PRKCA: variants seen among roughly 807,000 people sequenced by gnomAD.
PRKCA encodes protein kinase C alpha.
In PRKCA, 27 loss-of-function variants were observed where a neutral mutation model predicts 87.0. The observed-to-expected ratio is 0.31, with a 90% CI of 0.23 to 0.43. The LOEUF (loss-of-function observed/expected upper bound fraction) is 0.43. Among genes scored for constraint, PRKCA ranks in the 20% least tolerant of loss-of-function variants. The probability of loss-of-function intolerance (pLI) is 1.00; values close to 1 mark genes in which losing one functional copy is unlikely to be tolerated. For synonymous variants in PRKCA, 329 were observed against 311.1 expected (o/e 1.06, Z -0.61); for missense variants, 518 against 852.3 (o/e 0.61, Z 4.88).
intron 8 of PRKCA, among the ~76,000 whole-genome samples, chr17:66,708,949 AT>A (rs757648643): frequency 1.6e-4 from 24 of 152,238 alleles, no homozygotes; most frequent in Non-Finnish European, 3.1e-4. Flanking sequence ...TGGATTTGTG[AT>A]TACTGACTTT....
At chr17:66,784,765 C>T (rs1272666428) in intron 14 of PRKCA, among the ~76,000 whole-genome samples, 1 of 152,186 alleles carries the variant, frequency 6.6e-6, no homozygotes, top group East Asian at 1.9e-4. Flanking sequence ...TGCCTGCCTG[C>T]CCTGCCCTCT....
chr17:66,310,796 G>C (rs1905051547), intron 2 of PRKCA, among the ~76,000 whole-genome samples: 1 of 152,196 alleles, frequency 6.6e-6, no homozygotes, highest in African/African-American at 2.4e-5. Flanking sequence ...CAGCCTTTCA[G>C]AAAAGGGATG....
chr17:66,657,741 T>C (rs1375915111), intron 5 of PRKCA, among the ~76,000 whole-genome samples: 1 of 152,142 alleles, frequency 6.6e-6, no homozygotes. Flanking sequence ...TCTTTACTAA[T>C]ACCCAACCTC....
At chr17:66,368,378 ATATATATATTTTT>A (rs1908873416) in intron 2 of PRKCA, among the ~76,000 whole-genome samples, 10 of 28,208 alleles carry the variant, frequency 3.5e-4, no homozygotes, top group African/African-American at 7.7e-4. Context: ...ATATATATAT[ATATATATATTTTT>A]TTTTTTTTTT....
intron 2 of PRKCA, among the ~76,000 whole-genome samples, chr17:66,458,969 G>T (rs1338119278): frequency 6.6e-6 from 1 of 152,146 alleles, no homozygotes; most frequent in Non-Finnish European, 1.5e-5. Flanking sequence ...AGATGGGAAC[G>T]TAGAGGCTGA....
At chr17:66,686,283 C>T (rs1972625211) in intron 5 of PRKCA, among the ~76,000 whole-genome samples, 1 of 152,038 alleles carries the variant, frequency 6.6e-6, no homozygotes, top group Non-Finnish European at 1.5e-5. Flanking sequence ...TTTTTGATTC[C>T]CATATCAGGT....
At position 66,305,791 on chromosome 17, in the gene PRKCA, A is replaced by G. The variant is rs1429839108; in HGVS notation, c.174-305A>G. Among the ~76,000 whole-genome samples the G allele has an allele frequency of 2.6e-5, 4 of 152,316 alleles. No individual in the cohort carries two copies. The South Asian group carries it at 8.3e-4, about 32-fold the overall frequency. On this transcript the variant is annotated intron_variant, in intron 1 of 16. Transcript: ENST00000413366. ...CTTGAATATTGTGTTGTAGCCAACAAGTTTGAATATACAGTCATGTTCTTG... is the reference window on the plus strand; with the variant it reads ...CTTGAATATTGTGTTGTAGCCAACAGGTTTGAATATACAGTCATGTTCTTG...
At chr17:66,380,410 G>C (rs1277514809) in intron 2 of PRKCA, among the ~76,000 whole-genome samples, 1 of 152,028 alleles carries the variant, frequency 6.6e-6, no homozygotes, top group Non-Finnish European at 1.5e-5. Context: ...GATACCTCAT[G>C]GGGTTCTTGT....
intron 2 of PRKCA, among the ~76,000 whole-genome samples, chr17:66,375,635 G>T (rs184000209): frequency 6.6e-6 from 1 of 152,320 alleles, no homozygotes; most frequent in East Asian, 1.9e-4. Flanking sequence ...TCTGGGGGCA[G>T]TTCTTGAGGG....
intron 2 of PRKCA, 36 bp from the exon 3 acceptor site, chr17:66,496,165 G>A: frequency 2.7e-6 from 4 of 1,503,292 alleles, no homozygotes; most frequent in East Asian, 2.3e-5. Flanking sequence ...GTTAAATCAT[G>A]TCTATTCTAA....
At chr17:66,649,302 C>T (rs1028282178) in intron 5 of PRKCA, among the ~76,000 whole-genome samples, 3 of 152,330 alleles carry the variant, frequency 2.0e-5, no homozygotes, top group African/African-American at 7.2e-5. Flanking sequence ...CACCTTCTCC[C>T]AACCAAATAG....
chr17:66,627,420 C>A (rs1369511592), intron 3 of PRKCA, among the ~76,000 whole-genome samples: 4 of 152,106 alleles, frequency 2.6e-5, no homozygotes, highest in Non-Finnish European at 4.4e-5. Flanking sequence ...ATTAGTGTTG[C>A]CTTCTGTTGT....
intron 2 of PRKCA, among the ~76,000 whole-genome samples, chr17:66,436,871 C>G (rs1035858065): frequency 6.6e-6 from 1 of 152,038 alleles, no homozygotes; most frequent in Admixed American, 6.6e-5. Context: ...TCGTATAAGT[C>G]AGATACAATG....
chr17:66,557,580 G>C (rs997869187), intron 3 of PRKCA, among the ~76,000 whole-genome samples: 1 of 152,118 alleles, frequency 6.6e-6, no homozygotes, highest in African/African-American at 2.4e-5. Context: ...TCATGTAATA[G>C]GTACCAAAAT....
intron 2 of PRKCA, among the ~76,000 whole-genome samples, chr17:66,332,046 AT>A (rs11390446): frequency 2.3e-4 from 34 of 149,104 alleles, no homozygotes; most frequent in Non-Finnish European, 1.6e-4. Context: ...TAGCAAACCA[AT>A]TTTTTTTTTT....
chr17:66,790,632 C>T (rs1056739125), intron 16 of PRKCA, among the ~76,000 whole-genome samples: 3 of 152,104 alleles, frequency 2.0e-5, no homozygotes, highest in South Asian at 2.1e-4. Context: ...ATAGGAACAA[C>T]GTAGAGATGC....
intron 2 of PRKCA, among the ~76,000 whole-genome samples, chr17:66,399,088 T>TTCTTC (rs1469494559): frequency 8.5e-6 from 1 of 118,062 alleles, no homozygotes; most frequent in Non-Finnish European, 1.7e-5. Flanking sequence ...GCATTTTCTT[T>TTCTTC]TCTTTTCTTT....
Position 66,351,020 on chromosome 17 carries a change from T to C in PRKCA, c.205+44893T>C, listed in dbSNP as rs185780908. Among the ~76,000 whole-genome samples the C allele has an allele frequency of 1.3e-3, 195 of 152,360 alleles. 5 individuals carry two copies. The highest frequency in any genetic ancestry group is 0.011 in the Admixed American group (172 of 15,306). Reference sequence around the variant, plus strand: ...GACTGCAGTACAATGTAATTGTCTGTGTGCCAGTTTCCTCTGTCTTACTAA... The same window carrying C: ...GACTGCAGTACAATGTAATTGTCTGCGTGCCAGTTTCCTCTGTCTTACTAA... On this transcript the variant is annotated intron_variant, in intron 2 of 16. Coordinates refer to ENST00000413366, the MANE Select transcript of PRKCA (RefSeq NM_002737.3).
At chr17:66,388,881 C>T (rs1910211430) in intron 2 of PRKCA, among the ~76,000 whole-genome samples, 2 of 152,126 alleles carry the variant, frequency 1.3e-5, no homozygotes, top group African/African-American at 2.4e-5. Context: ...TTTTATACTC[C>T]AGTACGTTGC....
Sources: allele counts gnomAD v4.1 joint callset (sites outside exome capture counted in the v4.1 genomes callset), GRCh38; gene constraint gnomAD v4.1.1; transcripts MANE v1.5; gene names NCBI Gene and HGNC (gene_info 2026-07-23, HGNC 2026-07-21).